The following MACROD2 variants were observed in gnomAD, a reference collection of about 807,000 sequenced individuals.
MACROD2 encodes the protein ADP-ribose glycohydrolase MACROD2.
Under a neutral mutation model 70.4 loss-of-function variants are expected in MACROD2, and 36 were observed. That is an observed-to-expected ratio of 0.51 (90% CI 0.39 to 0.68). The LOEUF (loss-of-function observed/expected upper bound fraction) is 0.68, where lower values mean the gene tolerates loss of function less well. MACROD2 is among the 30% of genes least tolerant of loss of function. The pLI, the probability that MACROD2 is intolerant of heterozygous loss-of-function variation, is 0.00. For missense variants in MACROD2, 496 were observed against 538.4 expected, an observed-to-expected ratio of 0.92 and a Z score of 0.78; for synonymous variants, 172 against 178.8, an observed-to-expected ratio of 0.96 and a Z score of 0.30.
chr20:14,620,777 G>A (rs559140140), intron 4 of MACROD2, among the ~76,000 whole-genome samples: 5 of 152,118 alleles, frequency 3.3e-5, no homozygotes, highest in African/African-American at 4.8e-5. Flanking sequence ...ACAGGATATC[G>A]GAGAGCACAT....
At chr20:15,427,973 C>A (rs1211169008) in intron 6 of MACROD2, among the ~76,000 whole-genome samples, 1 of 152,146 alleles carries the variant, frequency 6.6e-6, no homozygotes, top group Non-Finnish European at 1.5e-5. Flanking sequence ...GCTAAACTTA[C>A]CACAATGCAC....
At chr20:14,343,001 C>A (rs2083030373) in intron 3 of MACROD2, among the ~76,000 whole-genome samples, 1 of 152,018 alleles carries the variant, frequency 6.6e-6, no homozygotes, top group African/African-American at 2.4e-5. Flanking sequence ...CCTCCTTGGC[C>A]TCCCAGGAAA....
At chr20:14,007,655 G>A (rs1601104717) in intron 2 of MACROD2, among the ~76,000 whole-genome samples, 2 of 152,114 alleles carry the variant, frequency 1.3e-5, no homozygotes, top group South Asian at 4.1e-4. Context: ...TCTAGTTCTT[G>A]GGTTTAATAG....
intron 3 of MACROD2, among the ~76,000 whole-genome samples, chr20:14,099,016 A>G (rs1601221898): frequency 6.6e-6 from 1 of 152,202 alleles, no homozygotes; most frequent in African/African-American, 2.4e-5. Context: ...GTGGTGGCTC[A>G]CGCCTGTAAT....
At chr20:15,438,758 T>C (rs2046459095) in intron 7 of MACROD2, among the ~76,000 whole-genome samples, 1 of 152,162 alleles carries the variant, frequency 6.6e-6, no homozygotes, top group Non-Finnish European at 1.5e-5. Flanking sequence ...CTGCATATCC[T>C]TTGCACACCC....
intron 5 of MACROD2, among the ~76,000 whole-genome samples, chr20:14,693,029 G>A (rs1022156265): frequency 2.6e-5 from 4 of 152,172 alleles, no homozygotes; most frequent in Admixed American, 2.0e-4. Context: ...TGCCATCATA[G>A]CAAGCCTTTA....
At chr20:15,675,942 T>C (rs929851293) in intron 8 of MACROD2, among the ~76,000 whole-genome samples, 1 of 152,204 alleles carries the variant, frequency 6.6e-6, no homozygotes, top group Non-Finnish European at 1.5e-5. Context: ...GAAACCTGTG[T>C]ATCCATGAAG....
intron 8 of MACROD2, among the ~76,000 whole-genome samples, chr20:15,681,687 T>G (rs1389286744): frequency 6.6e-6 from 1 of 152,188 alleles, no homozygotes; most frequent in Non-Finnish European, 1.5e-5. Flanking sequence ...GATAAGGACA[T>G]TGCCTTTCTT....
At chr20:15,093,841 A>G (rs759200487) in intron 5 of MACROD2, among the ~76,000 whole-genome samples, 4 of 152,202 alleles carry the variant, frequency 2.6e-5, no homozygotes, top group African/African-American at 9.6e-5. Flanking sequence ...TGTGTCAGAC[A>G]CTGTTCTAAG....
At chr20:15,859,540 A>G (rs1486318276) in intron 8 of MACROD2, among the ~76,000 whole-genome samples, 2 of 152,182 alleles carry the variant, frequency 1.3e-5, no homozygotes, top group African/African-American at 4.8e-5. Context: ...CAACTATATG[A>G]GCTCTTGTTC....
chr20:15,012,873 C>T (rs969963126), intron 5 of MACROD2, among the ~76,000 whole-genome samples: 2 of 152,098 alleles, frequency 1.3e-5, no homozygotes, highest in African/African-American at 4.8e-5. Flanking sequence ...TTCCTGTGCA[C>T]CTTGGCCATG....
At chr20:15,523,731 C>G (rs1424146871) in intron 8 of MACROD2, among the ~76,000 whole-genome samples, 1 of 152,128 alleles carries the variant, frequency 6.6e-6, no homozygotes, top group Non-Finnish European at 1.5e-5. Flanking sequence ...AAAACCTGCC[C>G]AGGTCTCTGT....
intron 8 of MACROD2, among the ~76,000 whole-genome samples, chr20:15,575,054 G>A (rs545231649): frequency 5.3e-5 from 8 of 152,134 alleles, no homozygotes; most frequent in South Asian, 2.1e-4. Context: ...ATTTTACCAC[G>A]TCTTTTACTC....
intron 6 of MACROD2, among the ~76,000 whole-genome samples, chr20:15,324,175 TTCTC>T (rs888369214): frequency 2.0e-5 from 3 of 152,248 alleles, no homozygotes; most frequent in Middle Eastern, 3.4e-3. Context: ...GAGATAGTTA[TTCTC>T]TCTTTCTCTC....
At chr20:14,705,350 TA>T (rs1000399971) in intron 5 of MACROD2, among the ~76,000 whole-genome samples, 67 of 151,476 alleles carry the variant, frequency 4.4e-4, no homozygotes, top group African/African-American at 1.3e-3. Flanking sequence ...TCATTTTTAT[TA>T]AAAAAAAATA....
At chr20:14,889,983 A>G (rs574223851) in intron 5 of MACROD2, among the ~76,000 whole-genome samples, 2 of 152,262 alleles carry the variant, frequency 1.3e-5, no homozygotes, top group African/African-American at 4.8e-5. Flanking sequence ...GGCAGCTTGC[A>G]GTAGAAGTGA....
At chr20:14,244,653 G>T (rs2081955191) in intron 3 of MACROD2, among the ~76,000 whole-genome samples, 1 of 152,196 alleles carries the variant, frequency 6.6e-6, no homozygotes, top group Non-Finnish European at 1.5e-5. Context: ...GGTATATAAT[G>T]TGGGCAGAGG....
intron 5 of MACROD2, among the ~76,000 whole-genome samples, chr20:14,932,159 T>C (rs2074302120): frequency 1.3e-5 from 2 of 152,134 alleles, no homozygotes; most frequent in South Asian, 4.1e-4. Context: ...TCCCTATTAC[T>C]TATATAACCT....
intron 4 of MACROD2, among the ~76,000 whole-genome samples, chr20:14,680,370 G>C (rs1423057187): frequency 6.6e-6 from 1 of 152,150 alleles, no homozygotes; most frequent in Non-Finnish European, 1.5e-5. Context: ...GTTAGAGGGG[G>C]CTTGGCTAAC....
Sources: gnomAD v4.1 joint callset for allele counts (sites outside exome capture counted in the v4.1 genomes callset) on GRCh38, gnomAD v4.1.1 for gene constraint, MANE v1.5 for transcripts, NCBI Gene and HGNC (gene_info 2026-07-23, HGNC 2026-07-21) for gene names.